The following HNRNPUL1 variants were observed in gnomAD, a reference collection of about 807,000 sequenced individuals.
HNRNPUL1 encodes heterogeneous nuclear ribonucleoprotein U like 1.
In HNRNPUL1, 14 loss-of-function variants were observed where a neutral mutation model predicts 108.5. That is an observed-to-expected ratio of 0.13 (90% CI 0.09 to 0.20). The LOEUF (loss-of-function observed/expected upper bound fraction) is 0.20. Among genes scored for constraint, HNRNPUL1 ranks in the 10% least tolerant of loss-of-function variants. The probability of loss-of-function intolerance (pLI) is 1.00; values close to 1 mark genes in which losing one functional copy is unlikely to be tolerated. For missense variants in HNRNPUL1, 804 were observed against 1,168.3 expected, an observed-to-expected ratio of 0.69 and a Z score of 4.55; for synonymous variants, 422 against 445.2, an observed-to-expected ratio of 0.95 and a Z score of 0.66.
rs1017074113 is a variant in HNRNPUL1, at chr19:41,276,169, C to T, written c.657C>T (p.Asp219=). ...TLVAIDTYNC[D]LHFKVARDRS... Reference sequence around the variant, plus strand: ...CATTTTCCTTCACAGATAACTGCGACCTCCACTTCAAGGTGGCCCGAGATC... The same window carrying T: ...CATTTTCCTTCACAGATAACTGCGATCTCCACTTCAAGGTGGCCCGAGATC... The change falls in exon 5 of 15, where the codon GAC becomes GAT. Residue 219 remains aspartate, a synonymous_variant. Transcript: ENST00000392006. The T allele has an allele frequency of 6.2e-7, 1 of 1,613,944 alleles. No individual in the cohort carries two copies. Among genetic ancestry groups the T allele is most frequent in the Non-Finnish European group, 8.5e-7 (1 of 1,180,004 alleles).
chr19:41,272,728 A>T (rs533026764), intron 3 of HNRNPUL1, among the ~76,000 whole-genome samples: 1 of 152,160 alleles, frequency 6.6e-6, no homozygotes, highest in Non-Finnish European at 1.5e-5. Flanking sequence ...ACTCAGACAC[A>T]TACACTAGTA....
At position 41,302,286 on chromosome 19, in the gene HNRNPUL1, T is replaced by G. The variant is rs577779776; in HGVS notation, c.1688-379T>G. 7 of 318,708 alleles carry G rather than the reference T, an allele frequency of 2.2e-5. No homozygotes were observed. In the East Asian group the frequency reaches 4.7e-4, roughly 22 times the overall value. The allele number at this position is 318,708 out of a possible 1,614,324, so 19.7% of individuals were successfully genotyped here. ...CAGGCTGGAGTATAGTGGTGCGATC[T>G]TGGCTCACCGCAACCTCCGCCTCCT... On this transcript the variant is annotated intron_variant, in intron 11 of 14. Transcript: ENST00000392006.
chr19:41,269,900 A>G (rs1338580091), intron 2 of HNRNPUL1, among the ~76,000 whole-genome samples: 1 of 151,786 alleles, frequency 6.6e-6, no homozygotes, highest in Non-Finnish European at 1.5e-5. Flanking sequence ...GGAGTTCAAG[A>G]CCAGCCTGGG....
In HNRNPUL1 at chr19:41,292,020, G is replaced by A. The variant is rs1053600606; in HGVS notation, c.1000-225G>A. 4.0e-6 allele frequency: 2 copies of A among 498,424 alleles called. No individual in the cohort carries two copies. Among genetic ancestry groups the A allele is most frequent in the Non-Finnish European group, 7.1e-6 (2 of 280,130 alleles). 30.9% of individuals were successfully genotyped at this position (498,424 alleles called of 1,614,324 possible). On this transcript the variant is annotated intron_variant, in intron 7 of 14. Transcript: ENST00000392006. The surrounding 1 kb of genome is among the most constrained non-coding windows in gnomAD (Gnocchi z 4.1). ...AAAAAAAAAAAACTCTTGCTTACTTGCTTCATATCCACCAACTTTGGGGTC... is the reference window on the plus strand; with the variant it reads ...AAAAAAAAAAAACTCTTGCTTACTTACTTCATATCCACCAACTTTGGGGTC...
At chr19:41,284,270 T>C (rs1049366239) in intron 7 of HNRNPUL1, among the ~76,000 whole-genome samples, 2 of 151,956 alleles carry the variant, frequency 1.3e-5, no homozygotes, top group African/African-American at 4.8e-5. Context: ...TCAAGATTAA[T>C]CCAGCATAAG....
At position 41,276,261 on chromosome 19, in the gene HNRNPUL1, A is replaced by G; in HGVS notation, c.749A>G (p.Tyr250Cys). ...CTGTGGTCAGGAGCCCGTGCCAGCT[A>G]TGGGGTCAGAAGGGGCCGTGTATGC... is the stretch of plus-strand genomic sequence containing the variant. ...AYLWSGARAS[Y>C]GVRRGRVCFE... The change falls in exon 5 of 15, where the codon TAT becomes TGT. Residue 250 changes from tyrosine to cysteine, a missense_variant. By Grantham distance (194) the Tyr-to-Cys change is radical. This residue lies in a region of HNRNPUL1 where 174 missense variants were observed against 296.6 expected (regional missense o/e 0.59). Transcript: ENST00000392006. The G allele has an allele frequency of 6.2e-7, 1 of 1,613,288 alleles. No individual in the cohort carries two copies.
intron 3 of HNRNPUL1, among the ~76,000 whole-genome samples, 170 bp from the exon 4 acceptor site, chr19:41,273,812 T>C (rs1446624119): frequency 6.6e-6 from 1 of 152,224 alleles, no homozygotes; most frequent in African/African-American, 2.4e-5. Flanking sequence ...GTCATTGCTC[T>C]CCTTGCAAGG....
chr19:41,293,781 C>T (rs549646874), intron 8 of HNRNPUL1, among the ~76,000 whole-genome samples: 2 of 152,152 alleles, frequency 1.3e-5, no homozygotes, highest in African/African-American at 4.8e-5. Context: ...AGGAGGATCC[C>T]TTGAGTATAG....
intron 6 of HNRNPUL1, 91 bp downstream of exon 6, chr19:41,279,267 C>T: frequency 6.8e-6 from 6 of 876,580 alleles, no homozygotes; most frequent in Non-Finnish European, 1.1e-5. Context: ...TTTCCAGCGT[C>T]AGACTTAGAA....
At chr19:41,279,300 A>G (rs375984685) in intron 6 of HNRNPUL1, 124 bp downstream of exon 6, 1 of 664,524 alleles carries the variant, frequency 1.5e-6, no homozygotes, top group Non-Finnish European at 2.6e-6. Context: ...GAAGTGGAAC[A>G]GGTACAAGGA....
At position 41,294,458 on chromosome 19, in the gene HNRNPUL1, C is replaced by A; in HGVS notation, c.1387C>A (p.Arg463=). The A allele has an allele frequency of 5.6e-6, 9 of 1,614,148 alleles. No individual in the cohort carries two copies. The highest frequency in any genetic ancestry group is 7.6e-6 in the Non-Finnish European group (9 of 1,180,004). ...LGTNAIMDKM[R]VMGLRRQRNY... ...TACCAATGCCATCATGGATAAGATGCGGGTAAGGCCAGCCACTGGACTCTC... is the reference window on the plus strand; with the variant it reads ...TACCAATGCCATCATGGATAAGATGAGGGTAAGGCCAGCCACTGGACTCTC... The change falls in exon 9 of 15, where the codon CGG becomes AGG. Residue 463 remains arginine, a splice_region_variant and synonymous_variant. Coordinates refer to ENST00000392006, the MANE Select transcript of HNRNPUL1 (RefSeq NM_007040.6). This position sits in a 1 kb window ranked among gnomAD's most constrained non-coding sequence, Gnocchi z 4.3.
intron 5 of HNRNPUL1, among the ~76,000 whole-genome samples, chr19:41,277,568 G>A (rs1231572545): frequency 2.0e-5 from 3 of 152,088 alleles, no homozygotes; most frequent in Non-Finnish European, 1.5e-5. Context: ...GTGCAGTGGC[G>A]CGATCTCGGC....
chr19:41,300,796 CT>C (rs1311159500), intron 10 of HNRNPUL1, among the ~76,000 whole-genome samples: 1 of 152,230 alleles, frequency 6.6e-6, no homozygotes, highest in African/African-American at 2.4e-5. Context: ...AGGAGCAAAA[CT>C]GCACTTGCGA....
chr19:41,276,061 C>T (rs745841210), intron 4 of HNRNPUL1, 98 bp from the exon 5 acceptor site: 2 of 1,507,676 alleles, frequency 1.3e-6, no homozygotes, highest in Non-Finnish European at 1.8e-6. Flanking sequence ...CAAGATCGCA[C>T]CATTGCACTC....
intron 7 of HNRNPUL1, among the ~76,000 whole-genome samples, chr19:41,285,815 G>C (rs571457130): frequency 1.3e-5 from 2 of 152,050 alleles, no homozygotes; most frequent in African/African-American, 4.8e-5. Context: ...AACTTTGCAG[G>C]GATTAGGGGC....
At chr19:41,274,157 A>C (rs2035409420) in intron 4 of HNRNPUL1, 102 bp downstream of exon 4, 3 of 942,238 alleles carry the variant, frequency 3.2e-6, no homozygotes, top group Admixed American at 1.8e-5. Context: ...GTCCAAAGAC[A>C]TTGTTAGTCC....
intron 7 of HNRNPUL1, among the ~76,000 whole-genome samples, chr19:41,284,995 C>CAA (rs773865440): frequency 8.3e-4 from 51 of 61,376 alleles, no homozygotes; most frequent in Admixed American, 1.8e-3. Context: ...GACTCTGTCT[C>CAA]AAAAAAAAAA....
chr19:41,296,863 C>T (rs1371963213), intron 10 of HNRNPUL1, among the ~76,000 whole-genome samples: 1 of 152,170 alleles, frequency 6.6e-6, no homozygotes, highest in East Asian at 1.9e-4. Context: ...CCTGAGTGGT[C>T]AGATCTCCCC....
intron 14 of HNRNPUL1, 122 bp downstream of exon 14, chr19:41,305,989 C>G: frequency 1.5e-6 from 1 of 686,566 alleles, no homozygotes; most frequent in Non-Finnish European, 2.5e-6. Flanking sequence ...CTCGGCCTGG[C>G]GTTCATCTGG....
Sources: allele counts gnomAD v4.1 joint callset (sites outside exome capture counted in the v4.1 genomes callset), GRCh38; gene constraint gnomAD v4.1.1; regional missense constraint gnomAD v4.1.1; non-coding constraint Gnocchi (gnomAD v3.1); transcripts MANE v1.5; gene names NCBI Gene and HGNC (gene_info 2026-07-23, HGNC 2026-07-21).